The following GRIK2 variants were observed in gnomAD, a reference collection of about 807,000 sequenced individuals.
GRIK2 encodes glutamate ionotropic receptor kainate type subunit 2, also known as glutamate receptor ionotropic, kainate 2.
A neutral mutation model predicts 100.3 loss-of-function variants in GRIK2; 32 were observed. That is an observed-to-expected ratio of 0.32 (90% confidence interval 0.24 to 0.43). The LOEUF (loss-of-function observed/expected upper bound fraction) is 0.43. Ranked by LOEUF, GRIK2 falls within the 20% of genes least tolerant of loss-of-function variation. The pLI is 1.00. For synonymous variants in GRIK2, 417 were observed against 389.4 expected, an observed-to-expected ratio of 1.07 and a Z score of -0.83; for missense variants, 843 against 1,114.9, an observed-to-expected ratio of 0.76 and a Z score of 3.47.
chr6:101,592,472 T>C (rs1250982893), intron 2 of GRIK2, among the ~76,000 whole-genome samples: 1 of 150,970 alleles, frequency 6.6e-6, no homozygotes, highest in Non-Finnish European at 1.5e-5. Context: ...GGTAAAAAAC[T>C]TCAGCTGAGG....
chr6:101,964,984 G>C (rs1284392600), intron 14 of GRIK2, among the ~76,000 whole-genome samples: 41 of 152,080 alleles, frequency 2.7e-4, no homozygotes, highest in Admixed American at 2.7e-3. Flanking sequence ...TTTAAAGGAA[G>C]TAGCCGGAAA....
At chr6:101,992,037 G>T (rs1794403875) in intron 14 of GRIK2, among the ~76,000 whole-genome samples, 1 of 151,640 alleles carries the variant, frequency 6.6e-6, no homozygotes, top group Non-Finnish European at 1.5e-5. Context: ...ATGCCATTTA[G>T]TGTTGGATTG....
At chr6:101,697,492 TA>T (rs5878687) in intron 7 of GRIK2, among the ~76,000 whole-genome samples, 94,146 of 151,488 alleles carry the variant, frequency 0.62, 31,171 homozygotes, top group Non-Finnish European at 0.75. Context: ...GCTATTACAA[TA>T]ACATATCCCT....
At chr6:101,960,575 T>A (rs991274593) in intron 14 of GRIK2, among the ~76,000 whole-genome samples, 1 of 152,150 alleles carries the variant, frequency 6.6e-6, no homozygotes, top group Non-Finnish European at 1.5e-5. Flanking sequence ...CTGGGTGCTT[T>A]CAGGGGCCAA....
intron 4 of GRIK2, among the ~76,000 whole-genome samples, chr6:101,659,943 G>A (rs1164436714): frequency 6.6e-6 from 1 of 152,018 alleles, no homozygotes; most frequent in Non-Finnish European, 1.5e-5. Flanking sequence ...TGACGATTAT[G>A]TGTCTTTGGG....
At chr6:101,775,796 G>GTA (rs1424529791) in intron 7 of GRIK2, among the ~76,000 whole-genome samples, 2 of 151,462 alleles carry the variant, frequency 1.3e-5, no homozygotes, top group East Asian at 1.9e-4. Context: ...TTATATATGT[G>GTA]TATATATATG....
chr6:101,750,701 TTAG>T lies in GRIK2; in HGVS notation c.952-48943_952-48941del, dbSNP rs552622771. On this transcript the variant is annotated intron_variant, in intron 7 of 16. Coordinates refer to ENST00000369134, the MANE Select transcript of GRIK2 (RefSeq NM_021956.5). ...TTTCTGACTCCTTGATTTGGGAAAG[TTAG>T]TAGCTGAATGCTCAGAGAGAGAGAG... Among the ~76,000 whole-genome samples, 1,522 of 152,268 alleles carry T rather than the reference TTAG, an allele frequency of 1.0e-2. 13 individuals carry two copies. The highest frequency in any genetic ancestry group is 0.015 in the Non-Finnish European group (1,035 of 68,016).
intron 2 of GRIK2, among the ~76,000 whole-genome samples, chr6:101,621,549 A>T (rs1780160570): frequency 6.6e-6 from 1 of 152,148 alleles, no homozygotes. Flanking sequence ...TATATCAATG[A>T]AGAGGATTGA....
chr6:101,918,930 G>A (rs1789315174), intron 12 of GRIK2, among the ~76,000 whole-genome samples: 1 of 151,672 alleles, frequency 6.6e-6, no homozygotes, highest in South Asian at 2.1e-4. Flanking sequence ...CAACTTTTGG[G>A]CAAAAGCAAA....
intron 10 of GRIK2, among the ~76,000 whole-genome samples, chr6:101,830,282 T>C (rs1048379672): frequency 6.6e-6 from 1 of 151,860 alleles, no homozygotes; most frequent in Admixed American, 6.6e-5. Flanking sequence ...ACTGAAGATA[T>C]ATCAAGGAAA....
intron 4 of GRIK2, among the ~76,000 whole-genome samples, chr6:101,631,895 T>C (rs1353131151): frequency 6.6e-6 from 1 of 152,074 alleles, no homozygotes; most frequent in East Asian, 1.9e-4. Context: ...TAGCTTCTCA[T>C]TCCTCTAAGG....
chr6:101,976,761 G>A (rs1310639060), intron 14 of GRIK2, among the ~76,000 whole-genome samples: 1 of 151,420 alleles, frequency 6.6e-6, no homozygotes, highest in African/African-American at 2.4e-5. Context: ...AATAGAGGAG[G>A]CATAGGGAAG....
chr6:101,653,045 CT>C (rs1157536679), intron 4 of GRIK2, among the ~76,000 whole-genome samples: 1 of 152,098 alleles, frequency 6.6e-6, no homozygotes, highest in African/African-American at 2.4e-5. Context: ...AAAATCTACA[CT>C]TGTAGTTTTG....
intron 2 of GRIK2, among the ~76,000 whole-genome samples, chr6:101,588,310 G>A (rs564799481): frequency 6.6e-6 from 1 of 152,188 alleles, no homozygotes; most frequent in South Asian, 2.1e-4. Context: ...TTGAAAGCCA[G>A]AAAGAGCAGT....
chr6:101,818,780 C>T (rs1184830767), intron 10 of GRIK2, among the ~76,000 whole-genome samples: 1 of 152,114 alleles, frequency 6.6e-6, no homozygotes. Flanking sequence ...AATGTCAAGA[C>T]TTGAAAAATA....
intron 7 of GRIK2, among the ~76,000 whole-genome samples, chr6:101,794,419 A>G (rs1434336580): frequency 6.6e-6 from 1 of 152,062 alleles, no homozygotes; most frequent in East Asian, 1.9e-4. Context: ...CCATTCAGCT[A>G]GTCATATCTT....
chr6:101,440,067 C>A (rs1769957824), intron 2 of GRIK2, among the ~76,000 whole-genome samples: 1 of 151,846 alleles, frequency 6.6e-6, no homozygotes, highest in Non-Finnish European at 1.5e-5. Context: ...TTAGTAAGTG[C>A]CAATGGAAGA....
At chr6:101,494,116 A>G (rs1773303716) in intron 2 of GRIK2, among the ~76,000 whole-genome samples, 1 of 150,036 alleles carries the variant, frequency 6.7e-6, no homozygotes, top group Non-Finnish European at 1.5e-5. Context: ...CAGTTTTATT[A>G]GTATATTACA....
intron 4 of GRIK2, among the ~76,000 whole-genome samples, chr6:101,636,829 C>T (rs1398138057): frequency 1.3e-5 from 2 of 152,022 alleles, no homozygotes; most frequent in Non-Finnish European, 2.9e-5. Context: ...TTACATTTTT[C>T]TAAATTTAAG....
Sources: gnomAD v4.1 joint callset for allele counts (sites outside exome capture counted in the v4.1 genomes callset) on GRCh38, gnomAD v4.1.1 for gene constraint, MANE v1.5 for transcripts, NCBI Gene and HGNC (gene_info 2026-07-23, HGNC 2026-07-21) for gene names.